Variants in WWOX observed in about 807,000 individuals in gnomAD.
WWOX encodes the protein WW domain containing oxidoreductase, also known as WW domain-containing oxidoreductase.
A neutral mutation model predicts 46.2 loss-of-function variants in WWOX; 69 were observed. The observed-to-expected ratio is 1.49, with a 90% confidence interval of 1.23 to 1.82. The LOEUF is 1.82. WWOX is among the 40% of genes most tolerant of loss of function. The pLI is 0.00. For synonymous variants in WWOX, 359 were observed against 202.6 expected, an observed-to-expected ratio of 1.77 and a Z score of -6.56; for missense variants, 919 against 542.6, an observed-to-expected ratio of 1.69 and a Z score of -6.89.
At chr16:78,104,804 G>T (rs996991584) in intron 1 of WWOX, among the ~76,000 whole-genome samples, 2 of 152,014 alleles carry the variant, frequency 1.3e-5, no homozygotes. Flanking sequence ...CTATTGAAAG[G>T]TACAGTTCTT....
Position 78,579,738 on chromosome 16 carries a change from C to G in WWOX, c.1056+146986C>G, listed in dbSNP as rs533361671. Among the ~76,000 whole-genome samples the G allele has an allele frequency of 4.1e-4, 63 of 152,228 alleles. 1 individual carries two copies. Among genetic ancestry groups the G allele is most frequent in the African/African-American group, 1.4e-3 (60 of 41,538 alleles). On this transcript the variant is annotated intron_variant, in intron 8 of 8. Coordinates refer to ENST00000566780, the MANE Select transcript of WWOX (RefSeq NM_016373.4). ...TCACTTCTTCTTTCTTTAGAGAAAA[C>G]AAATATCATCTGCCTTGCTAGGTAG...
Position 78,605,649 on chromosome 16 carries a change from A to G in WWOX, c.1056+172897A>G, listed in dbSNP as rs192996381. ...AATTTCTTTATTTAGAAACTCAGCT[A>G]TCCAGAATTACAACTCCGCCTCTCG... On this transcript the variant is annotated intron_variant, in intron 8 of 8. Coordinates refer to ENST00000566780, the MANE Select transcript of WWOX (RefSeq NM_016373.4). Among the ~76,000 whole-genome samples the G allele has an allele frequency of 2.8e-3, 433 of 152,328 alleles. 2 individuals carry two copies. The highest frequency in any genetic ancestry group is 9.9e-3 in the African/African-American group (413 of 41,578).
At position 78,776,494 on chromosome 16, in the gene WWOX, C is replaced by T. The variant is rs148982265; in HGVS notation, c.1056+343742C>T. On this transcript the variant is annotated intron_variant, in intron 8 of 8. Coordinates refer to ENST00000566780, the MANE Select transcript of WWOX (RefSeq NM_016373.4). ...TAAATATGACGATACATAAATAGCA[C>T]CTGGAAAAGTGTTTAGGAAACCTTG... 3.7e-3 allele frequency among the ~76,000 whole-genome samples: 562 copies of T among 152,102 alleles called. 6 individuals are homozygous for T. Among genetic ancestry groups the T allele is most frequent in the South Asian group, 0.019 (93 of 4,788 alleles).
At chr16:78,545,578 G>C (rs1432705088) in intron 8 of WWOX, among the ~76,000 whole-genome samples, 1 of 152,154 alleles carries the variant, frequency 6.6e-6, no homozygotes, top group East Asian at 1.9e-4. Context: ...AGAGTGGAGA[G>C]ACCACAGTGA....
At chr16:78,236,325 C>G (rs1391086600) in intron 5 of WWOX, among the ~76,000 whole-genome samples, 1 of 152,190 alleles carries the variant, frequency 6.6e-6, no homozygotes, top group African/African-American at 2.4e-5. Flanking sequence ...TACATACTTA[C>G]AAAGGATGGT....
At chr16:79,013,038 C>G (rs1178058372) in intron 8 of WWOX, among the ~76,000 whole-genome samples, 2 of 152,294 alleles carry the variant, frequency 1.3e-5, no homozygotes, top group African/African-American at 4.8e-5. Context: ...CACTGCATGT[C>G]AGCCTGAGCA....
intron 8 of WWOX, among the ~76,000 whole-genome samples, chr16:78,768,032 C>A (rs1438372751): frequency 6.6e-6 from 1 of 151,956 alleles, no homozygotes; most frequent in Non-Finnish European, 1.5e-5. Flanking sequence ...TTGTTGTTTA[C>A]ATTGGGGAGG....
chr16:78,394,098 C>G (rs968372512), intron 6 of WWOX, among the ~76,000 whole-genome samples: 10 of 151,952 alleles, frequency 6.6e-5, no homozygotes, highest in South Asian at 2.1e-4. Context: ...GATGAATTAC[C>G]CTGAAGACCA....
intron 8 of WWOX, among the ~76,000 whole-genome samples, chr16:78,495,517 T>C (rs1280295527): frequency 3.3e-5 from 5 of 151,440 alleles, no homozygotes; most frequent in Non-Finnish European, 7.4e-5. Flanking sequence ...GGTCTTTTTT[T>C]TTTTTTTTGG....
chr16:78,787,992 A>T (rs1241316291), intron 8 of WWOX, among the ~76,000 whole-genome samples: 2 of 152,170 alleles, frequency 1.3e-5, no homozygotes, highest in African/African-American at 4.8e-5. Flanking sequence ...TAACTGGGTC[A>T]TCTGGCTTTT....
intron 8 of WWOX, among the ~76,000 whole-genome samples, chr16:78,600,441 A>G (rs2045594854): frequency 6.6e-6 from 1 of 152,118 alleles, no homozygotes; most frequent in Non-Finnish European, 1.5e-5. Flanking sequence ...TCGGATTTTT[A>G]TGTGAAGTCA....
intron 8 of WWOX, among the ~76,000 whole-genome samples, chr16:78,547,312 C>A (rs1304503323): frequency 1.3e-5 from 2 of 151,918 alleles, no homozygotes; most frequent in African/African-American, 4.8e-5. Context: ...AGAGGGGGCA[C>A]TATTAGTATC....
chr16:79,131,055 C>T (rs2049867996), intron 8 of WWOX, among the ~76,000 whole-genome samples: 1 of 152,182 alleles, frequency 6.6e-6, no homozygotes, highest in Admixed American at 6.5e-5. Context: ...GACCAGCAGG[C>T]TTCTCTTTTT....
intron 8 of WWOX, 57 bp from the exon 9 acceptor site, chr16:79,211,551 C>G: frequency 3.1e-6 from 5 of 1,610,238 alleles, no homozygotes; most frequent in African/African-American, 1.3e-5. Flanking sequence ...CGAAATGACG[C>G]CATCTCATCA....
At chr16:78,429,696 T>G (rs2083173088) in intron 7 of WWOX, among the ~76,000 whole-genome samples, 1 of 152,216 alleles carries the variant, frequency 6.6e-6, no homozygotes, top group African/African-American at 2.4e-5. Context: ...CACCTTTGTG[T>G]GACACCTCTT....
At chr16:79,152,056 T>G (rs2050289957) in intron 8 of WWOX, among the ~76,000 whole-genome samples, 1 of 152,202 alleles carries the variant, frequency 6.6e-6, no homozygotes, top group Non-Finnish European at 1.5e-5. Flanking sequence ...GACCTTGATC[T>G]TACCATATCC....
chr16:79,201,819 T>C (rs564448061), intron 8 of WWOX, among the ~76,000 whole-genome samples: 1 of 152,172 alleles, frequency 6.6e-6, no homozygotes, highest in South Asian at 2.1e-4. Context: ...GACAATGTAA[T>C]TTGTCAGAGG....
At chr16:78,519,742 T>C (rs908585342) in intron 8 of WWOX, among the ~76,000 whole-genome samples, 2 of 152,076 alleles carry the variant, frequency 1.3e-5, no homozygotes, top group African/African-American at 2.4e-5. Flanking sequence ...CATTTTACCA[T>C]GTGAGGAGCC....
intron 8 of WWOX, among the ~76,000 whole-genome samples, chr16:78,968,388 C>T (rs576238501): frequency 6.6e-6 from 1 of 152,170 alleles, no homozygotes; most frequent in East Asian, 1.9e-4. Flanking sequence ...GATAAATTGT[C>T]ATTGCTAATT....
Sources: gnomAD v4.1 joint callset for allele counts (sites outside exome capture counted in the v4.1 genomes callset) on GRCh38, gnomAD v4.1.1 for gene constraint, MANE v1.5 for transcripts, NCBI Gene and HGNC (gene_info 2026-07-23, HGNC 2026-07-21) for gene names.